ZNF431: variants seen among roughly 807,000 people sequenced by gnomAD.
ZNF431 encodes zinc finger protein 431.
Under a neutral mutation model 57.0 loss-of-function variants are expected in ZNF431, and 34 were observed. That is an observed-to-expected ratio of 0.60 (90% CI 0.45 to 0.79). The LOEUF (loss-of-function observed/expected upper bound fraction) is 0.79, where lower values mean the gene tolerates loss of function less well. Ranked by LOEUF, ZNF431 falls within the 30% of genes least tolerant of loss-of-function variation. The pLI, the probability that ZNF431 is intolerant of heterozygous loss-of-function variation, is 0.00. For synonymous variants in ZNF431, 207 were observed against 220.3 expected, an observed-to-expected ratio of 0.94 and a Z score of 0.54; for missense variants, 607 against 667.1, an observed-to-expected ratio of 0.91 and a Z score of 0.99.
intron 2 of ZNF431, chr19:21,162,616 T>G: frequency 3.2e-6 from 2 of 622,666 alleles, no homozygotes; most frequent in Non-Finnish European, 4.0e-6. Context: ...GATTCACCCT[T>G]TTTGGAGCCC....
At chr19:21,147,818 C>A (rs913064925) in intron 2 of ZNF431, among the ~76,000 whole-genome samples, 1 of 151,966 alleles carries the variant, frequency 6.6e-6, no homozygotes, top group African/African-American at 2.4e-5. Context: ...ACAGGAGTTT[C>A]CCTTAATTTT....
At position 21,183,486 on chromosome 19, in the gene ZNF431, A is replaced by G; in HGVS notation, c.1183A>G (p.Thr395Ala). Residue 395 changes from threonine to alanine, a missense_variant, in exon 5 of 5, where the codon ACT becomes GCT. Transcript: ENST00000311048. ...CCTTACTAAACATAAAAGAATTCAT[A>G]CTGGAGAGAAACCCTACAAATGTGA... The part of the protein sequence containing the change: ...STLTKHKRIH[T>A]GEKPYKCEVC... 6.2e-7 allele frequency: 1 copy of G among 1,613,814 alleles called. No homozygotes were observed. Among genetic ancestry groups the G allele is most frequent in the Non-Finnish European group, 8.5e-7 (1 of 1,179,946 alleles).
intron 4 of ZNF431, 103 bp downstream of exon 4, chr19:21,167,769 T>C (rs1970764151): frequency 4.1e-6 from 3 of 734,528 alleles, no homozygotes; most frequent in Non-Finnish European, 6.0e-6. Flanking sequence ...AGCTGTGTTA[T>C]AAAGCATGTA....
At chr19:21,158,764 A>G (rs1332599558) in intron 2 of ZNF431, among the ~76,000 whole-genome samples, 1 of 152,206 alleles carries the variant, frequency 6.6e-6, no homozygotes, top group Admixed American at 6.5e-5. Context: ...TGTCATCTGG[A>G]CATAAGGATA....
intron 4 of ZNF431, among the ~76,000 whole-genome samples, chr19:21,176,912 G>C (rs910080473): frequency 7.9e-5 from 12 of 152,084 alleles, no homozygotes; most frequent in African/African-American, 2.9e-4. Flanking sequence ...AGCCAGGCTG[G>C]TCTTGAACTC....
At chr19:21,167,331 G>A (rs532586974) in intron 3 of ZNF431, among the ~76,000 whole-genome samples, 27 of 150,914 alleles carry the variant, frequency 1.8e-4, no homozygotes, top group Middle Eastern at 3.5e-3. Context: ...AGCTAATTTT[G>A]TATTTTTAGT....
chr19:21,145,310 C>G (rs181988010), intron 2 of ZNF431, among the ~76,000 whole-genome samples: 2 of 152,246 alleles, frequency 1.3e-5, no homozygotes, highest in African/African-American at 4.8e-5. Context: ...CCCGTCTCTA[C>G]TAAAAATACA....
At chr19:21,164,528 T>C (rs1054912941) in intron 2 of ZNF431, among the ~76,000 whole-genome samples, 30 of 152,158 alleles carry the variant, frequency 2.0e-4, no homozygotes, top group African/African-American at 5.6e-4. Context: ...GGCGTGACAC[T>C]AGTAGGTAAG....
At position 21,189,602 on chromosome 19, in the gene ZNF431, T is replaced by G. The variant is rs1270116943; in HGVS notation, c.*5568T>G. 1 of 298,872 alleles carries G rather than the reference T, an allele frequency of 3.3e-6. No homozygotes were observed. The highest frequency in any genetic ancestry group is 1.6e-4 in the South Asian group (1 of 6,156). The allele number at this position is 298,872 out of a possible 1,614,324, so 18.5% of individuals were successfully genotyped here. On this transcript the variant is annotated 3_prime_UTR_variant, in exon 5 of 5. Transcript: ENST00000311048. ...TATAGTCACCATGTTGTGCAATAAA[T>G]CTCTTGAACTTATTTCTTCCATTTG...
intron 4 of ZNF431, among the ~76,000 whole-genome samples, chr19:21,177,737 G>A (rs538027341): frequency 2.6e-5 from 4 of 152,206 alleles, no homozygotes; most frequent in South Asian, 4.2e-4. Context: ...GCAATGAGCT[G>A]AGATCATGCC....
rs1971376024 is a variant in ZNF431, at chr19:21,186,399, A to G, written c.*2365A>G. 1 of 152,260 alleles carries G rather than the reference A, an allele frequency of 6.6e-6. No homozygotes were observed. The highest frequency in any genetic ancestry group is 1.5e-5 in the Non-Finnish European group (1 of 68,046). 9.4% of individuals were successfully genotyped at this position (152,260 alleles called of 1,614,324 possible). On this transcript the variant is annotated 3_prime_UTR_variant, in exon 5 of 5. Transcript: ENST00000311048. ...ATTCATATAGAGTTAAATACATGTT[A>G]GTCTAAAGACAAATCTTAGGTGTAA...
rs576560884 is a variant in ZNF431 at position 21,193,131 on chromosome 19, G to A, written c.*9097G>A. 15 of 152,198 alleles carry A rather than the reference G, an allele frequency of 9.9e-5. No individual in the cohort carries two copies. Among genetic ancestry groups the A allele is most frequent in the African/African-American group, 3.6e-4 (15 of 41,522 alleles). 9.4% of individuals were successfully genotyped at this position (152,198 alleles called of 1,614,324 possible). On this transcript the variant is annotated 3_prime_UTR_variant, in exon 5 of 5. Coordinates refer to ENST00000311048, the MANE Select transcript of ZNF431 (RefSeq NM_133473.4). ...CCCTGGATTATATAAAATCACAGCC[G>A]AATTTTAACACATATACAGAGATGA... is the stretch of plus-strand genomic sequence containing the variant.
At chr19:21,177,850 T>A (rs987257568) in intron 4 of ZNF431, among the ~76,000 whole-genome samples, 6 of 146,030 alleles carry the variant, frequency 4.1e-5, no homozygotes, top group Admixed American at 6.9e-5. Flanking sequence ...GAGTTTTAAA[T>A]TTTTTTTTTT....
chr19:21,184,852 T>G lies in ZNF431; in HGVS notation c.*818T>G, dbSNP rs1393466536. On this transcript the variant is annotated 3_prime_UTR_variant, in exon 5 of 5. Transcript: ENST00000311048. Reference sequence around the variant, plus strand: ...AAGCTTTTTTAGTGAAGAGTATTTATTTTGAAGTTGAACATCACAAATATA... The same window carrying G: ...AAGCTTTTTTAGTGAAGAGTATTTAGTTTGAAGTTGAACATCACAAATATA... 6.6e-6 allele frequency: 1 copy of G among 152,294 alleles called. No homozygotes were observed. The highest frequency in any genetic ancestry group is 1.5e-5 in the Non-Finnish European group (1 of 68,036). 9.4% of individuals were successfully genotyped at this position (152,294 alleles called of 1,614,324 possible). A position where few individuals can be genotyped will look rare whatever the true frequency, so the allele number is the denominator to read the frequency against.
At chr19:21,150,403 C>A in intron 2 of ZNF431, 1 of 310,564 alleles carries the variant, frequency 3.2e-6, no homozygotes, top group Non-Finnish European at 6.1e-6. Context: ...GGGTTGGAGC[C>A]ACCTTCTTCC....
At chr19:21,171,712 ATTT>A (rs550012306) in intron 4 of ZNF431, among the ~76,000 whole-genome samples, 1,462 of 90,868 alleles carry the variant, frequency 0.016, 33 homozygotes, top group African/African-American at 0.045. Flanking sequence ...ATATATATAT[ATTT>A]TTTTTTTTTT....
intron 2 of ZNF431, among the ~76,000 whole-genome samples, chr19:21,159,582 A>T (rs146361787): frequency 6.8e-4 from 103 of 152,276 alleles, no homozygotes; most frequent in Middle Eastern, 3.4e-3. Context: ...CATGTTGGCC[A>T]GGATCGTCTT....
chr19:21,195,873 T>TTC lies in ZNF431; in HGVS notation c.*11839_*11840insTC, dbSNP rs1895362411. ...GATCTTTTGTAATGGTGATAGTGAT[T>TTC]AGCACACACTGAAAATCCAGCAAAG... On this transcript the variant is annotated 3_prime_UTR_variant, in exon 5 of 5. Coordinates refer to ENST00000311048, the MANE Select transcript of ZNF431 (RefSeq NM_133473.4). 1 of 152,252 alleles carries TTC rather than the reference T, an allele frequency of 6.6e-6. No homozygotes were observed. The highest frequency in any genetic ancestry group is 2.4e-5 in the African/African-American group (1 of 41,460). 9.4% of individuals were successfully genotyped at this position (152,252 alleles called of 1,614,324 possible).
At chr19:21,167,534 T>G (rs765658315) in intron 3 of ZNF431, 37 bp from the exon 4 acceptor site, 1 of 1,441,704 alleles carries the variant, frequency 6.9e-7, no homozygotes, top group Non-Finnish European at 9.3e-7. Flanking sequence ...TTAGAGAATA[T>G]AGGCAAGATT....
Sources: allele counts gnomAD v4.1 joint callset (sites outside exome capture counted in the v4.1 genomes callset), GRCh38; gene constraint gnomAD v4.1.1; transcripts MANE v1.5; gene names NCBI Gene and HGNC (gene_info 2026-07-23, HGNC 2026-07-21).